The following SCAF8 variants were observed in gnomAD, a reference collection of about 807,000 sequenced individuals.
SCAF8 encodes the protein SR-related and CTD-associated factor 8.
Under a neutral mutation model 140.5 loss-of-function variants are expected in SCAF8, and 23 were observed. That is an observed-to-expected ratio of 0.16 (90% CI 0.12 to 0.23). The LOEUF (loss-of-function observed/expected upper bound fraction) is 0.23. Among genes scored for constraint, SCAF8 ranks in the 10% least tolerant of loss-of-function variants. The pLI is 1.00. For synonymous variants in SCAF8, 575 were observed against 528.9 expected (o/e 1.09, Z -1.20); for missense variants, 1,397 against 1,555.7 (o/e 0.90, Z 1.72).
At chr6:154,756,290 C>G (rs1778964394) in intron 1 of SCAF8, among the ~76,000 whole-genome samples, 1 of 152,154 alleles carries the variant, frequency 6.6e-6, no homozygotes, top group Non-Finnish European at 1.5e-5. Flanking sequence ...GCAGAATAAC[C>G]TGTGATTACA....
intron 1 of SCAF8, among the ~76,000 whole-genome samples, chr6:154,739,812 C>G (rs1562420333): frequency 6.6e-6 from 1 of 152,120 alleles, no homozygotes; most frequent in Non-Finnish European, 1.5e-5. Flanking sequence ...GGTATTTTGT[C>G]TAACTATAGG....
chr6:154,736,844 ACTTC>A (rs1778435136), intron 1 of SCAF8, among the ~76,000 whole-genome samples: 1 of 152,140 alleles, frequency 6.6e-6, no homozygotes, highest in South Asian at 2.1e-4. Context: ...AAGTCTTGTA[ACTTC>A]CTTATTTATT....
intron 1 of SCAF8, among the ~76,000 whole-genome samples, chr6:154,738,298 G>A (rs927742979): frequency 2.6e-5 from 4 of 152,086 alleles, no homozygotes; most frequent in Admixed American, 6.6e-5. Flanking sequence ...TGCAAGATAT[G>A]TATGAGTTGT....
intron 1 of SCAF8, among the ~76,000 whole-genome samples, chr6:154,760,858 A>C (rs1232288543): frequency 1.3e-5 from 2 of 152,210 alleles, no homozygotes; most frequent in Non-Finnish European, 1.5e-5. Context: ...GTAAAGGCTC[A>C]CTGCATCCTT....
At chr6:154,738,916 G>A (rs1430673445) in intron 1 of SCAF8, among the ~76,000 whole-genome samples, 1 of 152,100 alleles carries the variant, frequency 6.6e-6, no homozygotes, top group African/African-American at 2.4e-5. Context: ...TCTTTGAAAA[G>A]GGGTCGTGAG....
At chr6:154,825,942 AATATAT>A (rs1043738465) in intron 17 of SCAF8, among the ~76,000 whole-genome samples, 1 of 152,102 alleles carries the variant, frequency 6.6e-6, no homozygotes, top group Non-Finnish European at 1.5e-5. Context: ...AGGTCAAAAC[AATATAT>A]ATATAGTTTT....
chr6:154,779,082 G>A (rs1777008376), intron 3 of SCAF8, among the ~76,000 whole-genome samples: 1 of 152,040 alleles, frequency 6.6e-6, no homozygotes, highest in African/African-American at 2.4e-5. Context: ...GCCCAAGCTG[G>A]AGTGCAGTAT....
chr6:154,805,012 TTAAAG>T (rs1414493481), intron 8 of SCAF8, among the ~76,000 whole-genome samples: 1 of 152,014 alleles, frequency 6.6e-6, no homozygotes, highest in African/African-American at 2.4e-5. Flanking sequence ...AGAGAAGGAG[TTAAAG>T]TAACAATGTT....
In SCAF8 at chr6:154,832,384, T is replaced by A; in HGVS notation, c.2805T>A (p.Pro935=). Residue 935 remains proline (P), a synonymous_variant, in exon 20 of 20, where the codon CCT becomes CCA. Coordinates refer to ENST00000367178, the MANE Select transcript of SCAF8 (RefSeq NM_014892.5). ...DIRPGLIPQA[P]GPRFPLIQPG... is the part of the protein sequence containing the mutation. Reference sequence around the variant, plus strand: ...GTCCGGGACTAATACCACAGGCACCTGGGCCAAGATTCCCTTTAATACAGC... The same window carrying A: ...GTCCGGGACTAATACCACAGGCACCAGGGCCAAGATTCCCTTTAATACAGC... 6.2e-7 allele frequency: 1 copy of A among 1,614,152 alleles called. No individual in the cohort carries two copies. Among genetic ancestry groups the A allele is most frequent in the Non-Finnish European group, 8.5e-7 (1 of 1,180,024 alleles).
At chr6:154,746,253 G>A (rs1368218796) in intron 1 of SCAF8, among the ~76,000 whole-genome samples, 1 of 152,128 alleles carries the variant, frequency 6.6e-6, no homozygotes, top group Non-Finnish European at 1.5e-5. Flanking sequence ...GTTTTGACTA[G>A]GCAAGCTGGC....
chr6:154,784,120 G>GAGAGATATATATATATAT (rs1362230678), intron 3 of SCAF8, among the ~76,000 whole-genome samples: 7 of 106,874 alleles, frequency 6.5e-5, no homozygotes, highest in African/African-American at 1.3e-4. Context: ...GGTGTCTTGA[G>GAGAGATATATATATATAT]ATATATATAT....
chr6:154,827,226 C>CAGT lies in SCAF8; in HGVS notation c.2131_2133dup (p.Val711dup). The CAGT allele has an allele frequency of 6.2e-7, 1 of 1,602,418 alleles. No individual in the cohort carries two copies. The highest frequency in any genetic ancestry group is 8.5e-7 in the Non-Finnish European group (1 of 1,174,768). The stretch of plus-strand genomic sequence containing the variant: ...GTTGTGCCACCCCCTACGATTCCAC[C>CAGT]AGTAGTACCAACATGTAAGTTTTCT... On this transcript the variant is annotated inframe_insertion, in exon 18 of 20. Coordinates refer to ENST00000367178, the MANE Select transcript of SCAF8 (RefSeq NM_014892.5).
At chr6:154,809,943 C>T in intron 11 of SCAF8, 72 bp from the exon 12 acceptor site, 6 of 1,185,568 alleles carry the variant, frequency 5.1e-6, no homozygotes, top group Admixed American at 2.3e-5. Context: ...TTGTTTTTTC[C>T]CTCACTTAGA....
Position 154,832,847 on chromosome 6 carries a change from G to C in SCAF8, c.3268G>C (p.Glu1090Gln). 1 of 1,614,072 alleles carries C rather than the reference G, an allele frequency of 6.2e-7. No homozygotes were observed. The highest frequency in any genetic ancestry group is 8.5e-7 in the Non-Finnish European group (1 of 1,180,002). ...GRRDHFGFNPEKPWGHRGDFD... is the reference protein window; with the variant it reads ...GRRDHFGFNPQKPWGHRGDFD... ...AAGAGACCACTTTGGCTTTAATCCA[G>C]AGAAGCCCTGGGGGCATAGAGGAGA... The change falls in exon 20 of 20, where the codon GAG (glutamate) becomes CAG (glutamine). Residue 1090 changes from glutamate (E) to glutamine (Q), a missense_variant. Coordinates refer to ENST00000367178, the MANE Select transcript of SCAF8 (RefSeq NM_014892.5).
intron 18 of SCAF8, among the ~76,000 whole-genome samples, chr6:154,830,605 A>G (rs1263523172): frequency 1.3e-5 from 2 of 152,206 alleles, no homozygotes; most frequent in Admixed American, 1.3e-4. Flanking sequence ...CTGTATGTTT[A>G]GACATTCACT....
intron 1 of SCAF8, among the ~76,000 whole-genome samples, chr6:154,753,034 A>C (rs1778878258): frequency 6.6e-6 from 1 of 152,030 alleles, no homozygotes; most frequent in South Asian, 2.1e-4. Context: ...AATTTACCAG[A>C]AGGTATAAAG....
At chr6:154,752,878 T>C (rs1778872796) in intron 1 of SCAF8, among the ~76,000 whole-genome samples, 1 of 152,120 alleles carries the variant, frequency 6.6e-6, no homozygotes, top group Non-Finnish European at 1.5e-5. Flanking sequence ...CTTGCCACCA[T>C]GCCCGGCCAG....
intron 1 of SCAF8, among the ~76,000 whole-genome samples, chr6:154,758,160 C>T (rs751520498): frequency 2.0e-5 from 3 of 152,094 alleles, no homozygotes; most frequent in Non-Finnish European, 2.9e-5. Flanking sequence ...AGTCTGCCTG[C>T]CTTGGCCTCC....
At chr6:154,749,202 A>G (rs1340987852) in intron 1 of SCAF8, among the ~76,000 whole-genome samples, 1 of 152,156 alleles carries the variant, frequency 6.6e-6, no homozygotes, top group African/African-American at 2.4e-5. Context: ...TAGCCTCCCA[A>G]AGTGGTGGGA....
Sources: allele counts gnomAD v4.1 joint callset (sites outside exome capture counted in the v4.1 genomes callset), GRCh38; gene constraint gnomAD v4.1.1; transcripts MANE v1.5; gene names NCBI Gene and HGNC (gene_info 2026-07-23, HGNC 2026-07-21).